ZNF518B: variants seen among roughly 807,000 people sequenced by gnomAD.
ZNF518B encodes the protein zinc finger protein 518B.
In ZNF518B, 23 loss-of-function variants were observed where a neutral mutation model predicts 56.3. The observed-to-expected ratio is 0.41, with a 90% CI of 0.29 to 0.58. The LOEUF is 0.58. Ranked by LOEUF, ZNF518B falls within the 20% of genes least tolerant of loss-of-function variation. ZNF518B has a pLI of 0.32. For synonymous variants in ZNF518B, 529 were observed against 465.9 expected (o/e 1.14, Z -1.74); for missense variants, 1,460 against 1,272.1 (o/e 1.15, Z -2.25).
At position 10,443,337 on chromosome 4, in the gene ZNF518B, C is replaced by T; in HGVS notation, c.2992G>A (p.Glu998Lys). 6.2e-7 allele frequency: 1 copy of T among 1,614,210 alleles called. No individual in the cohort carries two copies. Among genetic ancestry groups the T allele is most frequent in the Non-Finnish European group, 8.5e-7 (1 of 1,180,026 alleles). ...HHVRLTYQNA[E>K]EASQIKRQMM... is the part of the protein sequence containing the mutation. ...TGCCTTTTAATTTGACTGGCTTCTT[C>T]CGCATTCTGGTAGGTCAGGCGTACA... Residue 998 changes from glutamate (E) to lysine (K), a missense_variant, in exon 3 of 3, where the codon GAA (glutamate) becomes AAA (lysine). Coordinates refer to ENST00000326756, the MANE Select transcript of ZNF518B (RefSeq NM_053042.3).
rs1469491189 is a variant in ZNF518B, at chr4:10,443,406, A to G, written c.2923T>C (p.Leu975=). 7 of 1,614,080 alleles carry G rather than the reference A, an allele frequency of 4.3e-6. No homozygotes were observed. Among genetic ancestry groups the G allele is most frequent in the African/African-American group, 1.3e-5 (1 of 74,930 alleles). The change falls in exon 3 of 3, where the codon TTA becomes CTA. Residue 975 remains leucine (L), a synonymous_variant. Transcript: ENST00000326756. The part of the protein sequence containing the change: ...KYKGNVLKVV[L]SERTRCQLGI... ...AGCTGACACCTAGTCCTCTCTGATAAAACAACTTTGAGGACATTGCCTTTG... is the reference window on the plus strand; with the variant it reads ...AGCTGACACCTAGTCCTCTCTGATAGAACAACTTTGAGGACATTGCCTTTG...
chr4:10,447,530 G>A (rs974493879), intron 2 of ZNF518B, among the ~76,000 whole-genome samples: 4 of 152,132 alleles, frequency 2.6e-5, no homozygotes, highest in African/African-American at 7.2e-5. Context: ...AGTATTGTAC[G>A]GACATGGCAG....
chr4:10,460,325 C>CAAAAAAAAAAAAAAAAAAAAAA (rs1043723933), upstream of ZNF518B, among the ~76,000 whole-genome samples: 25 of 57,598 alleles, frequency 4.3e-4, 6 homozygotes, highest in African/African-American at 9.3e-4. Flanking sequence ...AAAAAAAAAC[C>CAAAAAAAAAAAAAAAAAAAAAA]AAAAAAAAAA....
chr4:10,460,074 G>A (rs1158921848), upstream of ZNF518B, among the ~76,000 whole-genome samples: 2 of 151,924 alleles, frequency 1.3e-5, no homozygotes, highest in Non-Finnish European at 1.5e-5. Flanking sequence ...GGAGGCCGAG[G>A]CGGGCAGATC....
rs369989405 is a variant in ZNF518B, at chr4:10,443,087, A to C, written c.*17T>G. 12 of 1,594,094 alleles carry C rather than the reference A, an allele frequency of 7.5e-6. No homozygotes were observed. The African/African-American group carries it at 1.5e-4, about 20-fold the overall frequency. On this transcript the variant is annotated 3_prime_UTR_variant, in exon 3 of 3. Coordinates refer to ENST00000326756, the MANE Select transcript of ZNF518B (RefSeq NM_053042.3). ...AATAAACTAAAAGATAACTTGCTTT[A>C]AAGAGTAACTGTTTACTTATTTGCC...
At chr4:10,458,958 A>G (rs1252510019), upstream of ZNF518B, among the ~76,000 whole-genome samples, 1 of 152,180 alleles carries the variant, frequency 6.6e-6, no homozygotes, top group Non-Finnish European at 1.5e-5. Flanking sequence ...CATGCATCAC[A>G]GTTCTGCCCT....
rs1324427691 is a variant in ZNF518B at position 10,441,834 on chromosome 4, G to C, written c.*1270C>G. On this transcript the variant is annotated 3_prime_UTR_variant, in exon 3 of 3. Transcript: ENST00000326756. ...GGAGTGTTCCTGGAGTTGCTTCCCT[G>C]AGAAAGCTGAGCAGCAGGGTAAGCA... 3 of 152,126 alleles carry C rather than the reference G, an allele frequency of 2.0e-5. No homozygotes were observed. Among genetic ancestry groups the C allele is most frequent in the African/African-American group, 7.3e-5 (3 of 41,334 alleles). The allele number at this position is 152,126 out of a possible 1,614,324, so 9.4% of individuals were successfully genotyped here.
At chr4:10,453,307 G>A (rs1715400703) in intron 2 of ZNF518B, 1 of 152,148 alleles carries the variant, frequency 6.6e-6, no homozygotes, top group Non-Finnish European at 1.5e-5. Flanking sequence ...AGCAGACACT[G>A]GTTAGCTTAA....
In ZNF518B at chr4:10,446,260, T is replaced by C; in HGVS notation, c.69A>G (p.Ser23=). 6.2e-7 allele frequency: 1 copy of C among 1,614,232 alleles called. No individual in the cohort carries two copies. Among genetic ancestry groups the C allele is most frequent in the Non-Finnish European group, 8.5e-7 (1 of 1,180,038 alleles). The change falls in exon 3 of 3, where the codon TCA becomes TCG. Residue 23 remains serine, a synonymous_variant. Coordinates refer to ENST00000326756, the MANE Select transcript of ZNF518B (RefSeq NM_053042.3). The stretch of plus-strand genomic sequence containing the variant: ...CTCCATTAGCATCAGGCTGTTTGGG[T>C]GACATGGTCAAGGAATTATGTCCGC... ...LNGGHNSLTM[S]PKQPDANGAP... is the part of the protein sequence containing the mutation.
rs1484508357 is a variant in ZNF518B at position 10,440,452 on chromosome 4, A to C, written c.*2652T>G. 1.3e-5 allele frequency: 2 copies of C among 152,636 alleles called. No individual in the cohort carries two copies. Among genetic ancestry groups the C allele is most frequent in the African/African-American group, 2.4e-5 (1 of 41,460 alleles). The allele number at this position is 152,636 out of a possible 1,614,324, so 9.5% of individuals were successfully genotyped here. A position where few individuals can be genotyped will look rare whatever the true frequency, so the allele number is the denominator to read the frequency against. On this transcript the variant is annotated 3_prime_UTR_variant, in exon 3 of 3. Coordinates refer to ENST00000326756, the MANE Select transcript of ZNF518B (RefSeq NM_053042.3). ...TGATTGGAGGTCCTTCAAAATTAAG[A>C]ACCCACACAAATACTCAACACAGGT...
Position 10,443,880 on chromosome 4 carries a change from T to C in ZNF518B, c.2449A>G (p.Arg817Gly). 2 of 1,614,212 alleles carry C rather than the reference T, an allele frequency of 1.2e-6. No individual in the cohort carries two copies. The highest frequency in any genetic ancestry group is 1.1e-5 in the South Asian group (1 of 91,080). ...LIKPVPFCPV[R>G]QADSDLQPLR... ...GGCTGTAAGTCTGAGTCCGCCTGTCTCACAGGGCAAAATGGAACTGGTTTT... is the reference window on the plus strand; with the variant it reads ...GGCTGTAAGTCTGAGTCCGCCTGTCCCACAGGGCAAAATGGAACTGGTTTT... The change falls in exon 3 of 3, where the codon AGA becomes GGA. Residue 817 changes from arginine (R) to glycine (G), a missense_variant. Physicochemically the swap from Arg to Gly is moderately radical, Grantham distance 125. Coordinates refer to ENST00000326756, the MANE Select transcript of ZNF518B (RefSeq NM_053042.3).
upstream of ZNF518B, among the ~76,000 whole-genome samples, chr4:10,458,851 AACTATT>A (rs1171155312): frequency 4.6e-5 from 7 of 152,160 alleles, no homozygotes; most frequent in African/African-American, 1.7e-4. Context: ...CATCAGGAAA[AACTATT>A]AATTCTAAGT....
Position 10,444,085 on chromosome 4 carries a change from A to G in ZNF518B, c.2244T>C (p.Phe748=). The G allele has an allele frequency of 6.2e-7, 1 of 1,614,212 alleles. No homozygotes were observed. The change falls in exon 3 of 3, where the codon TTT becomes TTC. Residue 748 remains phenylalanine, a synonymous_variant. Transcript: ENST00000326756. The part of the protein sequence containing the change: ...QLTHQQIYPH[F]ADGSNRKTKS... ...TGGTTTTCCTATTACTGCCATCTGC[A>G]AAGTGTGGATATATTTGTTGATGAG...
At chr4:10,459,648 G>C (rs1413596844), upstream of ZNF518B, among the ~76,000 whole-genome samples, 1 of 152,186 alleles carries the variant, frequency 6.6e-6, no homozygotes, top group African/African-American at 2.4e-5. Flanking sequence ...TCTGTGAAGA[G>C]ACGCAGAGAA....
At chr4:10,458,181 G>A (rs764069745), upstream of ZNF518B, among the ~76,000 whole-genome samples, 3 of 152,188 alleles carry the variant, frequency 2.0e-5, no homozygotes, top group African/African-American at 7.2e-5. Context: ...GAGCCTCTAA[G>A]AGGAAAGAAG....
rs1714619608 is a variant in ZNF518B at position 10,440,359 on chromosome 4, AAAGT to A, written c.*2741_*2744del. ...AACAATCTCTCACTTCTGGTCCACC[AAAGT>A]AAGAAAACCTACTTTAAAAAATAAG... On this transcript the variant is annotated 3_prime_UTR_variant, in exon 3 of 3. Coordinates refer to ENST00000326756, the MANE Select transcript of ZNF518B (RefSeq NM_053042.3). 1 of 151,940 alleles carries A rather than the reference AAAGT, an allele frequency of 6.6e-6. No homozygotes were observed. The highest frequency in any genetic ancestry group is 2.4e-5 in the African/African-American group (1 of 40,892). The allele number at this position is 151,940 out of a possible 1,614,324, so 9.4% of individuals were successfully genotyped here. A position where few individuals can be genotyped will look rare whatever the true frequency, so the allele number is the denominator to read the frequency against.
Position 10,446,480 on chromosome 4 carries a change from G to A in ZNF518B, c.-152C>T, listed in dbSNP as rs928699936. On this transcript the variant is annotated 5_prime_UTR_variant, in exon 3 of 3. Transcript: ENST00000326756. ...TAATTATCTTTCTTTATATACTGCC[G>A]CAGTAGGTGCATGATCCCAAAATAT... The A allele has an allele frequency of 2.6e-5, 18 of 687,902 alleles. No homozygotes were observed. The highest frequency in any genetic ancestry group is 5.4e-5 in the East Asian group (2 of 37,060). 42.6% of individuals were successfully genotyped at this position (687,902 alleles called of 1,614,324 possible).
At position 10,445,517 on chromosome 4, in the gene ZNF518B, T is replaced by C. The variant is rs141362816; in HGVS notation, c.812A>G (p.Lys271Arg). The part of the protein sequence containing the change: ...SGFSLHANKD[K>R]MHNIMLLPEP... ...AGGTAACAACATGATATTGTGCATT[T>C]TGTCTTTATTTGCATGGAGAGAGAA... The change falls in exon 3 of 3, where the codon AAA becomes AGA. Residue 271 changes from lysine (K) to arginine (R), a missense_variant. Coordinates refer to ENST00000326756, the MANE Select transcript of ZNF518B (RefSeq NM_053042.3). The C allele has an allele frequency of 1.3e-5, 21 of 1,614,102 alleles. No homozygotes were observed. The highest frequency in any genetic ancestry group is 1.7e-5 in the Non-Finnish European group (20 of 1,180,034).
In ZNF518B at chr4:10,443,626, G is replaced by C. The variant is rs746787694; in HGVS notation, c.2703C>G (p.Asn901Lys). 3.9e-5 allele frequency: 63 copies of C among 1,613,944 alleles called. 2 individuals carry two copies. In the Admixed American group the frequency reaches 7.5e-4, roughly 19 times the overall value. ...TKQVHLSRKKNKIQAEPSRCL... is the reference protein window; with the variant it reads ...TKQVHLSRKKKKIQAEPSRCL... ...AGCGGCTAGGTTCAGCTTGAATTTT[G>C]TTTTTCTTCCTGGATAAGTGTACTT... The change falls in exon 3 of 3, where the codon AAC becomes AAG. Residue 901 changes from asparagine (N) to lysine (K), a missense_variant. Asn to Lys is a moderately conservative substitution (Grantham distance 94). Coordinates refer to ENST00000326756, the MANE Select transcript of ZNF518B (RefSeq NM_053042.3).
Sources: gnomAD v4.1 joint callset for allele counts (sites outside exome capture counted in the v4.1 genomes callset) on GRCh38, gnomAD v4.1.1 for gene constraint, MANE v1.5 for transcripts, NCBI Gene and HGNC (gene_info 2026-07-23, HGNC 2026-07-21) for gene names.